The following ADARB2 variants were observed in gnomAD, a reference collection of about 807,000 sequenced individuals.
ADARB2 encodes adenosine deaminase RNA specific B2 (inactive).
In ADARB2, 25 loss-of-function variants were observed where a neutral mutation model predicts 62.2. The observed-to-expected ratio is 0.40, with a 90% confidence interval of 0.29 to 0.56. The LOEUF (loss-of-function observed/expected upper bound fraction) is 0.56, where lower values mean the gene tolerates loss of function less well. Ranked by LOEUF, ADARB2 falls within the 20% of genes least tolerant of loss-of-function variation. ADARB2 has a pLI of 0.43. For missense variants in ADARB2, 1,071 were observed against 1,077.4 expected (o/e 0.99, Z 0.08); for synonymous variants, 572 against 500.8 (o/e 1.14, Z -1.90).
At chr10:1,482,611 C>T (rs1363988445) in intron 1 of ADARB2, among the ~76,000 whole-genome samples, 1 of 152,162 alleles carries the variant, frequency 6.6e-6, no homozygotes, top group Non-Finnish European at 1.5e-5. Flanking sequence ...TGGCACAACA[C>T]TGAGAAGGTG....
chr10:1,679,500 C>T (rs887268023), intron 1 of ADARB2, among the ~76,000 whole-genome samples: 1 of 152,120 alleles, frequency 6.6e-6, no homozygotes, highest in African/African-American at 2.4e-5. Flanking sequence ...TGTCCTGGAC[C>T]GAATGGCTGA....
intron 1 of ADARB2, among the ~76,000 whole-genome samples, chr10:1,422,420 C>T (rs1378147934): frequency 6.6e-6 from 1 of 152,122 alleles, no homozygotes; most frequent in Non-Finnish European, 1.5e-5. Flanking sequence ...GCTTTGGAGA[C>T]CGGGGCTGCA....
intron 1 of ADARB2, among the ~76,000 whole-genome samples, chr10:1,732,389 C>T (rs201185543): frequency 1.3e-5 from 2 of 151,674 alleles, no homozygotes; most frequent in African/African-American, 4.8e-5. Flanking sequence ...CTGCAGGAAC[C>T]GAGTCACCCC....
chr10:1,701,004 C>T (rs1273231048), intron 1 of ADARB2, among the ~76,000 whole-genome samples: 1 of 6,688 alleles, frequency 1.5e-4, no homozygotes, highest in African/African-American at 1.7e-4. Flanking sequence ...ACCAGGCACT[C>T]GCCAACACAC....
At chr10:1,411,114 T>C (rs977241737) in intron 1 of ADARB2, among the ~76,000 whole-genome samples, 1 of 152,196 alleles carries the variant, frequency 6.6e-6, no homozygotes, top group Non-Finnish European at 1.5e-5. Context: ...GGCACGGCCA[T>C]CCAGACACGG....
rs142822762 is a variant in ADARB2 at position 1,581,441 on chromosome 10, C to T, written c.100+155610G>A. On this transcript the variant is annotated intron_variant, in intron 1 of 9. Coordinates refer to ENST00000381312, the MANE Select transcript of ADARB2 (RefSeq NM_018702.4). ...GCCTCTTCACTCCCAGAGCAGGAGGCGCAACAGTGGAGCCTGGGCCCTGGA... is the reference window on the plus strand; with the variant it reads ...GCCTCTTCACTCCCAGAGCAGGAGGTGCAACAGTGGAGCCTGGGCCCTGGA... 4.7e-3 allele frequency among the ~76,000 whole-genome samples: 719 copies of T among 152,314 alleles called. 4 individuals are homozygous for T. Among genetic ancestry groups the T allele is most frequent in the African/African-American group, 0.016 (672 of 41,580 alleles).
intron 1 of ADARB2, among the ~76,000 whole-genome samples, chr10:1,560,206 C>T (rs60356800): frequency 0.25 from 37,698 of 152,084 alleles, 4,899 homozygotes; most frequent in South Asian, 0.35. Context: ...CCAACTGAAG[C>T]CTGTTCCTGA....
At chr10:1,607,279 A>C (rs539690619) in intron 1 of ADARB2, among the ~76,000 whole-genome samples, 1 of 152,204 alleles carries the variant, frequency 6.6e-6, no homozygotes, top group African/African-American at 2.4e-5. Context: ...TGAACGATTC[A>C]CCACGTCCAT....
chr10:1,719,280 A>G (rs1230159893), intron 1 of ADARB2, among the ~76,000 whole-genome samples: 1 of 152,186 alleles, frequency 6.6e-6, no homozygotes, highest in East Asian at 1.9e-4. Context: ...TACCTTCTAC[A>G]ATGCCCAGGG....
rs1320099088 is a variant in ADARB2 at position 1,470,781 on chromosome 10, ATAATCCCAGCACTTTGGGAGGC to A, written c.101-91643_101-91622del. On this transcript the variant is annotated intron_variant, in intron 1 of 9. Transcript: ENST00000381312. ...TGGCCAGGGGCGGTGGCTCACGCCT[ATAATCCCAGCACTTTGGGAGGC>A]TAATCCCAGCACTTTGGGAGGCTGA... Among the ~76,000 whole-genome samples the A allele has an allele frequency of 2.5e-4, 38 of 152,310 alleles. 1 individual carries two copies. Among genetic ancestry groups the A allele is most frequent in the East Asian group, 1.5e-3 (8 of 5,184 alleles).
intron 1 of ADARB2, among the ~76,000 whole-genome samples, chr10:1,440,680 A>G (rs550120244): frequency 6.6e-6 from 1 of 152,348 alleles, no homozygotes; most frequent in African/African-American, 2.4e-5. Flanking sequence ...ATTAAACAAG[A>G]TTATGAACAC....
At chr10:1,497,982 G>T (rs61831915) in intron 1 of ADARB2, among the ~76,000 whole-genome samples, 2 of 151,990 alleles carry the variant, frequency 1.3e-5, no homozygotes, top group African/African-American at 2.4e-5. Flanking sequence ...GGGTGGCAAA[G>T]ATAAAAAAAT....
intron 1 of ADARB2, among the ~76,000 whole-genome samples, chr10:1,443,985 CCACT>C (rs1830931683): frequency 6.6e-6 from 1 of 151,930 alleles, no homozygotes; most frequent in South Asian, 2.1e-4. Flanking sequence ...ATCCATCCAC[CCACT>C]CATTCATCCA....
chr10:1,736,918 C>G lies in ADARB2; in HGVS notation c.100+133G>C, dbSNP rs571786338. 5.3e-5 allele frequency: 46 copies of G among 866,970 alleles called. No individual in the cohort carries two copies. In the South Asian group the frequency reaches 7.4e-4, roughly 14 times the overall value. 53.7% of individuals were successfully genotyped at this position (866,970 alleles called of 1,614,324 possible). On this transcript the variant is annotated intron_variant, in intron 1 of 9. Coordinates refer to ENST00000381312, the MANE Select transcript of ADARB2 (RefSeq NM_018702.4). ...GATCTGAACTCCCGAGCGCCCTGCA[C>G]GGAGCAGCCATCCCGCCAGCACCCC...
chr10:1,407,010 G>A (rs1373928213), intron 1 of ADARB2, among the ~76,000 whole-genome samples: 7 of 152,230 alleles, frequency 4.6e-5, no homozygotes, highest in Admixed American at 2.0e-4. Flanking sequence ...TGGGGGATGC[G>A]TCTCCTCCTT....
At chr10:1,446,128 G>A (rs1459255583) in intron 1 of ADARB2, among the ~76,000 whole-genome samples, 3 of 152,218 alleles carry the variant, frequency 2.0e-5, no homozygotes, top group African/African-American at 7.2e-5. Flanking sequence ...ACCAGGACAA[G>A]AAGGCTGAAA....
At chr10:1,349,175 G>A (rs964253080) in intron 3 of ADARB2, among the ~76,000 whole-genome samples, 8 of 152,026 alleles carry the variant, frequency 5.3e-5, no homozygotes, top group African/African-American at 1.4e-4. Flanking sequence ...CCTTATGAAC[G>A]TCCTTCTCCT....
At chr10:1,711,995 T>A (rs17156784) in intron 1 of ADARB2, among the ~76,000 whole-genome samples, 1 of 152,362 alleles carries the variant, frequency 6.6e-6, no homozygotes, top group African/African-American at 2.4e-5. Context: ...GTTAGATGGA[T>A]GTTGACTTTG....
At chr10:1,717,290 T>G (rs964380478) in intron 1 of ADARB2, among the ~76,000 whole-genome samples, 2 of 151,096 alleles carry the variant, frequency 1.3e-5, no homozygotes, top group African/African-American at 4.9e-5. Flanking sequence ...TGTATTTGGT[T>G]GCACAGGGAT....
Sources: allele counts gnomAD v4.1 joint callset (sites outside exome capture counted in the v4.1 genomes callset), GRCh38; gene constraint gnomAD v4.1.1; transcripts MANE v1.5; gene names NCBI Gene and HGNC (gene_info 2026-07-23, HGNC 2026-07-21).